IL18: variants seen among roughly 807,000 people sequenced by gnomAD.
IL18 encodes interleukin-18.
IL18 carries 8 observed loss-of-function variants against 14.2 expected under a neutral mutation model. That is an observed-to-expected ratio of 0.56 (90% CI 0.33 to 1.01). IL18 has a LOEUF of 1.01. IL18 is among the 50% of genes least tolerant of loss of function. The probability of loss-of-function intolerance (pLI) is 0.03; values close to 1 mark genes in which losing one functional copy is unlikely to be tolerated. For missense variants in IL18, 166 were observed against 231.1 expected (o/e 0.72, Z 1.83); for synonymous variants, 67 against 71.0 (o/e 0.94, Z 0.28).
Position 112,143,359 on chromosome 11 carries a change from CA to C in IL18, c.*236del. 2.7e-6 allele frequency: 1 copy of C among 364,834 alleles called. No homozygotes were observed. The highest frequency in any genetic ancestry group is 5.0e-6 in the Non-Finnish European group (1 of 201,542). The allele number at this position is 364,834 out of a possible 1,614,324, so 22.6% of individuals were successfully genotyped here. Reference sequence around the variant, plus strand: ...GCAATGGTGCAATCTCGGCTCACCACAACCTCTACCTCCGGAGTGCAAGTGA... The same window carrying C: ...GCAATGGTGCAATCTCGGCTCACCACACCTCTACCTCCGGAGTGCAAGTGA... On this transcript the variant is annotated 3_prime_UTR_variant, in exon 6 of 6. Coordinates refer to ENST00000280357, the MANE Select transcript of IL18 (RefSeq NM_001562.4).
At chr11:112,160,711 A>G (rs1006357636) in intron 1 of IL18, among the ~76,000 whole-genome samples, 3 of 152,102 alleles carry the variant, frequency 2.0e-5, no homozygotes, top group Admixed American at 6.6e-5. Context: ...TTCTATCTTA[A>G]ACTTTCCCTC....
At chr11:112,158,576 T>G (rs959813751) in intron 1 of IL18, among the ~76,000 whole-genome samples, 2 of 149,072 alleles carry the variant, frequency 1.3e-5, no homozygotes, top group Non-Finnish European at 3.0e-5. Context: ...TGGATAACAT[T>G]ATCATATATA....
chr11:112,161,075 C>CAT (rs34546088), intron 1 of IL18, among the ~76,000 whole-genome samples: 21 of 147,496 alleles, frequency 1.4e-4, no homozygotes, highest in Non-Finnish European at 2.4e-4. Flanking sequence ...AGACTACTGA[C>CAT]TTTTTTTTTT....
intron 1 of IL18, among the ~76,000 whole-genome samples, chr11:112,162,806 T>C (rs1866655967): frequency 1.3e-5 from 2 of 151,804 alleles, no homozygotes; most frequent in Non-Finnish European, 2.9e-5. Flanking sequence ...TTGAAGGAAG[T>C]TTGTTTGTTT....
chr11:112,144,463 T>A (rs1592805479), intron 5 of IL18, among the ~76,000 whole-genome samples: 1 of 152,306 alleles, frequency 6.6e-6, no homozygotes, highest in Non-Finnish European at 1.5e-5. Context: ...CCTAGGCTGG[T>A]CCTGAACTCC....
intron 1 of IL18, among the ~76,000 whole-genome samples, chr11:112,163,671 T>C (rs1394381122): frequency 1.3e-5 from 2 of 152,180 alleles, no homozygotes; most frequent in East Asian, 1.9e-4. Flanking sequence ...ATGTGCTTAG[T>C]GTAAAGGGAA....
At chr11:112,156,931 C>T (rs1203294221) in intron 1 of IL18, among the ~76,000 whole-genome samples, 1 of 151,738 alleles carries the variant, frequency 6.6e-6, no homozygotes, top group Non-Finnish European at 1.5e-5. Flanking sequence ...ATAAGGAAGA[C>T]TCTTAGAGAA....
chr11:112,144,224 G>A (rs903391286), intron 5 of IL18, among the ~76,000 whole-genome samples: 1 of 152,152 alleles, frequency 6.6e-6, no homozygotes, highest in Admixed American at 6.5e-5. Flanking sequence ...ACTTAGGCTA[G>A]TTCTAGTTTC....
At chr11:112,144,003 C>A (rs750475139) in intron 5 of IL18, among the ~76,000 whole-genome samples, 186 bp from the exon 6 acceptor site, 10 of 152,160 alleles carry the variant, frequency 6.6e-5, no homozygotes, top group Non-Finnish European at 1.3e-4. Context: ...CCTATTCTCC[C>A]TGTCATGGGA....
intron 1 of IL18, among the ~76,000 whole-genome samples, chr11:112,159,371 C>T (rs1866590552): frequency 6.6e-6 from 1 of 151,938 alleles, no homozygotes; most frequent in Non-Finnish European, 1.5e-5. Context: ...AAAGAATGGA[C>T]CTGATTGAAC....
At chr11:112,155,744 C>T (rs909856150) in intron 1 of IL18, among the ~76,000 whole-genome samples, 1 of 152,140 alleles carries the variant, frequency 6.6e-6, no homozygotes, top group African/African-American at 2.4e-5. Context: ...TTTGCTTTTC[C>T]TTTCTGCCCC....
chr11:112,155,037 A>G lies in IL18; in HGVS notation c.17T>C (p.Val6Ala). 6.2e-7 allele frequency: 1 copy of G among 1,612,342 alleles called. No homozygotes were observed. The highest frequency in any genetic ancestry group is 1.1e-5 in the South Asian group (1 of 91,036). The change falls in exon 2 of 6, where the codon GTA becomes GCA. Residue 6 changes from valine to alanine, a missense_variant. Val to Ala is a moderately conservative substitution (Grantham distance 64). Coordinates refer to ENST00000280357, the MANE Select transcript of IL18 (RefSeq NM_001562.4). The part of the protein sequence containing the change: MAAEP[V>A]EDNCINFVAM... ...CACAAAGTTGATGCAATTGTCTTCT[A>G]CTGGTTCAGCAGCCATCTTTATTCC...
chr11:112,160,885 T>C (rs567103366), intron 1 of IL18, among the ~76,000 whole-genome samples: 36 of 152,200 alleles, frequency 2.4e-4, no homozygotes, highest in Non-Finnish European at 4.1e-4. Flanking sequence ...CTTACAATTC[T>C]TCTTGTTAGT....
chr11:112,150,403 T>TC, intron 3 of IL18, 197 bp from the exon 4 acceptor site: 1 of 499,292 alleles, frequency 2.0e-6, no homozygotes, highest in South Asian at 2.4e-5. Flanking sequence ...TCAGAACTAC[T>TC]CTGCCTCTGA....
chr11:112,151,975 CTTT>C (rs1382723997), intron 3 of IL18, among the ~76,000 whole-genome samples: 1 of 152,122 alleles, frequency 6.6e-6, no homozygotes, highest in African/African-American at 2.4e-5. Flanking sequence ...TCTGATTTGT[CTTT>C]TTATCTCTAT....
chr11:112,163,578 G>A (rs1375244115), intron 1 of IL18, among the ~76,000 whole-genome samples: 2 of 149,268 alleles, frequency 1.3e-5, no homozygotes, highest in Admixed American at 6.8e-5. Flanking sequence ...AAATAAAAAA[G>A]TGTCACTCTT....
intron 1 of IL18, among the ~76,000 whole-genome samples, chr11:112,155,991 G>C (rs149109395): frequency 9.3e-4 from 142 of 152,284 alleles, no homozygotes; most frequent in African/African-American, 3.1e-3. Context: ...TTATTGCAGA[G>C]ATCTTGAGAC....
At chr11:112,158,114 TG>T (rs1294703249) in intron 1 of IL18, among the ~76,000 whole-genome samples, 1 of 152,194 alleles carries the variant, frequency 6.6e-6, no homozygotes, top group Non-Finnish European at 1.5e-5. Context: ...CCCAAAGTGC[TG>T]GGATAACAGG....
At chr11:112,156,297 T>C (rs1308498933) in intron 1 of IL18, among the ~76,000 whole-genome samples, 6 of 152,180 alleles carry the variant, frequency 3.9e-5, no homozygotes, top group Non-Finnish European at 7.4e-5. Flanking sequence ...TAACTTTGTA[T>C]AATTTTGGCC....
Sources: gnomAD v4.1 joint callset for allele counts (sites outside exome capture counted in the v4.1 genomes callset) on GRCh38, gnomAD v4.1.1 for gene constraint, MANE v1.5 for transcripts, NCBI Gene and HGNC (gene_info 2026-07-23, HGNC 2026-07-21) for gene names.